The following RAB3C variants were observed in gnomAD, a reference collection of about 807,000 sequenced individuals.
RAB3C encodes the protein RAB3C, member RAS oncogene family.
Under a neutral mutation model 26.4 loss-of-function variants are expected in RAB3C, and 17 were observed. The ratio of observed to expected loss-of-function variants is 0.64; its 90% CI spans 0.44 to 0.97. The LOEUF (loss-of-function observed/expected upper bound fraction) is 0.97, where lower values mean the gene tolerates loss of function less well. Among genes scored for constraint, RAB3C ranks in the 50% least tolerant of loss-of-function variants. The pLI, the probability that RAB3C is intolerant of heterozygous loss-of-function variation, is 0.00. For missense variants in RAB3C, 242 were observed against 281.9 expected (o/e 0.86, Z 1.01); for synonymous variants, 91 against 95.9 (o/e 0.95, Z 0.30).
intron 2 of RAB3C, among the ~76,000 whole-genome samples, chr5:58,655,837 C>T (rs1334935044): frequency 7.0e-6 from 1 of 142,192 alleles, no homozygotes; most frequent in Non-Finnish European, 1.5e-5. Context: ...GCTCTGTCAC[C>T]CAGGCTGGAG....
chr5:58,817,496 T>C (rs755815759), intron 3 of RAB3C, among the ~76,000 whole-genome samples: 6 of 152,166 alleles, frequency 3.9e-5, no homozygotes, highest in Admixed American at 6.5e-5. Flanking sequence ...GACTTTATTA[T>C]GTTCCTGTTT....
At position 58,758,285 on chromosome 5, in the gene RAB3C, A is replaced by G. The variant is rs180908689; in HGVS notation, c.371+32165A>G. Among the ~76,000 whole-genome samples the G allele has an allele frequency of 1.4e-3, 220 of 152,162 alleles. 2 individuals carry two copies. Among genetic ancestry groups the G allele is most frequent in the African/African-American group, 5.2e-3 (214 of 41,514 alleles). On this transcript the variant is annotated intron_variant, in intron 3 of 4. Transcript: ENST00000282878. Reference sequence around the variant, plus strand: ...TGATATAGACCTATAAATTTTTTCCAATAGTTTATAATTGGAAATAAAATT... The same window carrying G: ...TGATATAGACCTATAAATTTTTTCCGATAGTTTATAATTGGAAATAAAATT...
chr5:58,720,805 G>T (rs558550854), intron 2 of RAB3C, among the ~76,000 whole-genome samples: 1 of 151,588 alleles, frequency 6.6e-6, no homozygotes, highest in Non-Finnish European at 1.5e-5. Context: ...TATTTTGATC[G>T]TGGTTATATT....
At chr5:58,587,266 A>T (rs1354708328) in intron 1 of RAB3C, among the ~76,000 whole-genome samples, 1 of 152,190 alleles carries the variant, frequency 6.6e-6, no homozygotes, top group East Asian at 1.9e-4. Context: ...CTTCACCATC[A>T]TATTCCAGGA....
chr5:58,827,111 T>A (rs1743499976), intron 4 of RAB3C, among the ~76,000 whole-genome samples: 1 of 148,672 alleles, frequency 6.7e-6, no homozygotes, highest in Non-Finnish European at 1.5e-5. Flanking sequence ...CTCTACCGAT[T>A]AAACAATATG....
intron 2 of RAB3C, among the ~76,000 whole-genome samples, chr5:58,679,671 G>A (rs551001935): frequency 6.6e-6 from 1 of 152,238 alleles, no homozygotes; most frequent in African/African-American, 2.4e-5. Flanking sequence ...TGAAAATGAT[G>A]TCTTCATATA....
At chr5:58,837,764 G>A (rs1017437202) in intron 4 of RAB3C, among the ~76,000 whole-genome samples, 14 of 146,132 alleles carry the variant, frequency 9.6e-5, no homozygotes, top group Admixed American at 9.5e-4. Flanking sequence ...TCACCATGCT[G>A]GCCAGGCTGA....
chr5:58,680,500 A>G (rs181402755), intron 2 of RAB3C, among the ~76,000 whole-genome samples: 155 of 152,354 alleles, frequency 1.0e-3, no homozygotes, highest in African/African-American at 3.2e-3. Context: ...ATTCCCTACT[A>G]GTATAACAAA....
At chr5:58,649,248 A>G (rs1747591819) in intron 2 of RAB3C, among the ~76,000 whole-genome samples, 1 of 152,060 alleles carries the variant, frequency 6.6e-6, no homozygotes, top group Admixed American at 6.6e-5. Flanking sequence ...GATCTAAGAC[A>G]TTGTTTCAAA....
chr5:58,627,471 TAAAAAAAAAAAAAAAAAAAAAA>T (rs58104232), intron 2 of RAB3C, among the ~76,000 whole-genome samples: 20 of 68,444 alleles, frequency 2.9e-4, no homozygotes, highest in South Asian at 1.7e-3. Flanking sequence ...GACTCCGTCT[TAAAAAAAAAAAAAAAAAAAAAA>T]AAAAAAAAAA....
chr5:58,847,768 G>A (rs1014885286), intron 4 of RAB3C, among the ~76,000 whole-genome samples: 2 of 152,128 alleles, frequency 1.3e-5, no homozygotes, highest in African/African-American at 4.8e-5. Flanking sequence ...TATTGATTTT[G>A]ATCCTGAATA....
chr5:58,809,829 A>G (rs1743030068), intron 3 of RAB3C, among the ~76,000 whole-genome samples: 1 of 152,240 alleles, frequency 6.6e-6, no homozygotes, highest in African/African-American at 2.4e-5. Context: ...AACTGAGAGA[A>G]ATAAACGTCT....
intron 2 of RAB3C, among the ~76,000 whole-genome samples, chr5:58,677,172 T>C (rs1579852517): frequency 6.6e-6 from 1 of 152,338 alleles, no homozygotes; most frequent in Admixed American, 6.5e-5. Context: ...TTCCTTTTTT[T>C]ATAAAGACAC....
At chr5:58,732,099 GTT>G (rs5868127) in intron 3 of RAB3C, among the ~76,000 whole-genome samples, 109 of 145,140 alleles carry the variant, frequency 7.5e-4, no homozygotes, top group Non-Finnish European at 1.4e-3. Context: ...TTTCTGTTTT[GTT>G]TTTTTTTTTT....
chr5:58,802,847 G>T (rs966859896), intron 3 of RAB3C, among the ~76,000 whole-genome samples: 27 of 152,326 alleles, frequency 1.8e-4, no homozygotes, highest in Non-Finnish European at 3.2e-4. Flanking sequence ...ACTGGACTAA[G>T]CTAGGAGATT....
intron 2 of RAB3C, among the ~76,000 whole-genome samples, chr5:58,699,138 G>A (rs747285351): frequency 7.9e-5 from 12 of 151,876 alleles, no homozygotes; most frequent in East Asian, 1.9e-4. Context: ...TGTTGATGTC[G>A]ATGCTATTCC....
intron 2 of RAB3C, among the ~76,000 whole-genome samples, chr5:58,646,231 C>A (rs1183657627): frequency 6.6e-6 from 1 of 152,148 alleles, no homozygotes; most frequent in Non-Finnish European, 1.5e-5. Context: ...TCTCACTGCA[C>A]CTAGCATAGT....
chr5:58,694,877 G>C (rs1179676426), intron 2 of RAB3C, among the ~76,000 whole-genome samples: 1 of 152,106 alleles, frequency 6.6e-6, no homozygotes, highest in African/African-American at 2.4e-5. Context: ...CCATTCTGTA[G>C]GTTGCCTGTT....
At chr5:58,636,799 G>A (rs1265368948) in intron 2 of RAB3C, among the ~76,000 whole-genome samples, 1 of 152,160 alleles carries the variant, frequency 6.6e-6, no homozygotes, top group African/African-American at 2.4e-5. Context: ...CCACCAAAAA[G>A]ATAGGAAGGG....
Sources: allele counts gnomAD v4.1 joint callset (sites outside exome capture counted in the v4.1 genomes callset), GRCh38; gene constraint gnomAD v4.1.1; transcripts MANE v1.5; gene names NCBI Gene and HGNC (gene_info 2026-07-23, HGNC 2026-07-21).